Variants in JAZF1 observed in about 807,000 individuals in gnomAD.
The protein encoded by JAZF1 is JAZF zinc finger 1.
Under a neutral mutation model 26.4 loss-of-function variants are expected in JAZF1, and 8 were observed. That is an observed-to-expected ratio of 0.30 (90% CI 0.18 to 0.55). The LOEUF (loss-of-function observed/expected upper bound fraction) is 0.55. JAZF1 is among the 20% of genes least tolerant of loss of function. JAZF1 has a pLI of 0.94. For synonymous variants in JAZF1, 126 were observed against 122.3 expected (o/e 1.03, Z -0.20); for missense variants, 199 against 322.0 (o/e 0.62, Z 2.92).
At chr7:28,082,763 C>T (rs929942079) in intron 1 of JAZF1, among the ~76,000 whole-genome samples, 4 of 152,160 alleles carry the variant, frequency 2.6e-5, no homozygotes, top group Non-Finnish European at 4.4e-5. Context: ...CTGAACATCA[C>T]CAAAGTCCAC....
intron 1 of JAZF1, among the ~76,000 whole-genome samples, chr7:28,110,148 G>A (rs568444576): frequency 1.1e-4 from 16 of 152,162 alleles, no homozygotes; most frequent in South Asian, 2.1e-4. Context: ...AGTTTAGGCC[G>A]GGCATGGTGG....
Position 27,936,510 on chromosome 7 carries a change from A to G in JAZF1, c.189-41094T>C, listed in dbSNP as rs547727228. On this transcript the variant is annotated intron_variant, in intron 2 of 4. Coordinates refer to ENST00000283928, the MANE Select transcript of JAZF1 (RefSeq NM_175061.4). ...AAAAATGTGGCCTTACTGCTACCCA[A>G]TAATCTTTTATTTTTTATTTACACA... 8.5e-5 allele frequency among the ~76,000 whole-genome samples: 13 copies of G among 152,324 alleles called. No individual in the cohort carries two copies. In the South Asian group the frequency reaches 2.5e-3, roughly 29 times the overall value.
chr7:27,939,177 C>G (rs1401384768), intron 2 of JAZF1, among the ~76,000 whole-genome samples: 4 of 152,218 alleles, frequency 2.6e-5, no homozygotes, highest in African/African-American at 9.7e-5. Context: ...TGGTTAGAGG[C>G]TCATTACTTG....
intron 1 of JAZF1, among the ~76,000 whole-genome samples, chr7:28,015,189 C>T (rs963064600): frequency 6.6e-6 from 1 of 152,110 alleles, no homozygotes; most frequent in Non-Finnish European, 1.5e-5. Flanking sequence ...CATAGCTTTT[C>T]TTGGGCAAGT....
chr7:27,846,979 A>T (rs1450594833), intron 3 of JAZF1, among the ~76,000 whole-genome samples: 1 of 150,950 alleles, frequency 6.6e-6, no homozygotes, highest in African/African-American at 2.4e-5. Flanking sequence ...TTTTATTTTT[A>T]TTTTTTTGAG....
chr7:27,933,848 T>G (rs1784723617), intron 2 of JAZF1, among the ~76,000 whole-genome samples: 1 of 152,122 alleles, frequency 6.6e-6, no homozygotes. Flanking sequence ...CCTGGGAATT[T>G]TTTAAGTGGT....
intron 2 of JAZF1, among the ~76,000 whole-genome samples, chr7:27,934,897 G>A (rs193174941): frequency 3.5e-4 from 54 of 152,262 alleles, no homozygotes; most frequent in African/African-American, 1.2e-3. Flanking sequence ...AAATGATATC[G>A]TCAAGTAAGT....
At chr7:27,905,951 C>CAT (rs985528565) in intron 2 of JAZF1, among the ~76,000 whole-genome samples, 1 of 152,214 alleles carries the variant, frequency 6.6e-6, no homozygotes, top group Non-Finnish European at 1.5e-5. Flanking sequence ...ACTTGCATCA[C>CAT]ATATATATAG....
At chr7:27,960,477 T>C (rs1195884837) in intron 2 of JAZF1, among the ~76,000 whole-genome samples, 1 of 152,242 alleles carries the variant, frequency 6.6e-6, no homozygotes. Flanking sequence ...GTAACAAGGA[T>C]TGACTGGCTC....
intron 3 of JAZF1, among the ~76,000 whole-genome samples, chr7:27,880,493 C>T (rs142433970): frequency 0.17 from 25,824 of 151,590 alleles, 2,881 homozygotes; most frequent in East Asian, 0.47. Context: ...ATTAGCCAGG[C>T]GCGGTGGCGG....
chr7:27,983,756 C>A (rs574039515), intron 2 of JAZF1, among the ~76,000 whole-genome samples: 1 of 152,344 alleles, frequency 6.6e-6, no homozygotes, highest in Non-Finnish European at 1.5e-5. Flanking sequence ...GATCTCTCAG[C>A]AGAAACTCTG....
intron 1 of JAZF1, among the ~76,000 whole-genome samples, chr7:28,158,703 A>C (rs961945156): frequency 1.3e-5 from 2 of 152,200 alleles, no homozygotes; most frequent in Non-Finnish European, 2.9e-5. Flanking sequence ...TGACTCTGGG[A>C]AAGCCAGTTT....
intron 1 of JAZF1, among the ~76,000 whole-genome samples, chr7:28,083,948 T>C (rs750073305): frequency 1.1e-4 from 17 of 152,152 alleles, no homozygotes; most frequent in Non-Finnish European, 2.5e-4. Flanking sequence ...TGTTACATTT[T>C]ATGACAACAA....
At chr7:27,841,082 G>A (rs1400131009) in intron 3 of JAZF1, 18 of 504,586 alleles carry the variant, frequency 3.6e-5, no homozygotes, top group Non-Finnish European at 5.6e-5. Flanking sequence ...CCAGGGCAAG[G>A]GCTTCCCAAC....
chr7:28,033,204 C>G (rs188263343), intron 1 of JAZF1, among the ~76,000 whole-genome samples: 6 of 152,170 alleles, frequency 3.9e-5, no homozygotes, highest in African/African-American at 9.6e-5. Context: ...GGAGACTGCA[C>G]GGCCACTGGG....
intron 3 of JAZF1, among the ~76,000 whole-genome samples, chr7:27,870,999 T>G (rs1783571422): frequency 6.6e-6 from 1 of 152,208 alleles, no homozygotes; most frequent in East Asian, 1.9e-4. Flanking sequence ...CCAGCCACAG[T>G]ACGTATATGT....
intron 2 of JAZF1, among the ~76,000 whole-genome samples, chr7:27,907,598 C>T (rs1362069230): frequency 3.3e-5 from 5 of 152,126 alleles, no homozygotes; most frequent in Non-Finnish European, 7.4e-5. Flanking sequence ...GGGTGACCAT[C>T]AACATCCAGC....
chr7:27,914,437 G>C (rs774096744), intron 2 of JAZF1, among the ~76,000 whole-genome samples: 2 of 152,280 alleles, frequency 1.3e-5, no homozygotes, highest in Non-Finnish European at 2.9e-5. Context: ...GCCGGGGGCT[G>C]TACTTTGGTC....
intron 1 of JAZF1, among the ~76,000 whole-genome samples, chr7:28,021,303 G>T (rs146247093): frequency 1.3e-3 from 204 of 152,282 alleles, no homozygotes; most frequent in Admixed American, 4.2e-3. Flanking sequence ...AGAGTCACAG[G>T]CCTTAGGAAT....
Sources: gnomAD v4.1 joint callset for allele counts (sites outside exome capture counted in the v4.1 genomes callset) on GRCh38, gnomAD v4.1.1 for gene constraint, MANE v1.5 for transcripts, NCBI Gene and HGNC (gene_info 2026-07-23, HGNC 2026-07-21) for gene names.